Variants in KAZN observed in about 807,000 individuals in gnomAD.
KAZN encodes kazrin, periplakin interacting protein.
Under a neutral mutation model 87.4 loss-of-function variants are expected in KAZN, and 40 were observed. That is an observed-to-expected ratio of 0.46 (90% CI 0.36 to 0.60). KAZN has a LOEUF of 0.60. Among genes scored for constraint, KAZN ranks in the 20% least tolerant of loss-of-function variants. The pLI is 0.00. For synonymous variants in KAZN, 466 were observed against 458.3 expected, an observed-to-expected ratio of 1.02 and a Z score of -0.22; for missense variants, 898 against 1,073.9, an observed-to-expected ratio of 0.84 and a Z score of 2.29.
At chr1:13,993,709 C>T (rs1324340172) in intron 1 of KAZN, among the ~76,000 whole-genome samples, 2 of 152,076 alleles carry the variant, frequency 1.3e-5, no homozygotes, top group Non-Finnish European at 2.9e-5. Context: ...AAATAGTAAA[C>T]ATGATAATTT....
intron 2 of KAZN, among the ~76,000 whole-genome samples, chr1:14,343,094 C>T (rs1336529555): frequency 6.6e-6 from 1 of 152,028 alleles, no homozygotes; most frequent in Admixed American, 6.6e-5. Context: ...TGCAGTGAGC[C>T]GAGATTGCGC....
intron 1 of KAZN, among the ~76,000 whole-genome samples, chr1:14,953,616 A>G (rs138958582): frequency 2.4e-3 from 373 of 152,300 alleles, no homozygotes; most frequent in South Asian, 4.8e-3. Flanking sequence ...TATGTGCTCA[A>G]TAAGTGTTAA....
intron 1 of KAZN, among the ~76,000 whole-genome samples, chr1:14,167,327 C>G (rs1031061793): frequency 6.6e-6 from 1 of 152,188 alleles, no homozygotes; most frequent in African/African-American, 2.4e-5. Context: ...CTCAACATCC[C>G]GAGCCTCTGA....
chr1:14,975,857 C>G (rs563428804), intron 2 of KAZN, among the ~76,000 whole-genome samples: 3 of 152,106 alleles, frequency 2.0e-5, no homozygotes, highest in African/African-American at 7.2e-5. Flanking sequence ...CGGTGAAACC[C>G]CGTCTCTACT....
chr1:14,315,648 T>C (rs557615528), intron 2 of KAZN, among the ~76,000 whole-genome samples: 1 of 152,176 alleles, frequency 6.6e-6, no homozygotes, highest in East Asian at 1.9e-4. Context: ...AATGGGATGA[T>C]GTAGTATGTC....
intron 8 of KAZN, among the ~76,000 whole-genome samples, chr1:15,084,748 G>C (rs1348368140): frequency 1.3e-5 from 2 of 152,188 alleles, no homozygotes; most frequent in Non-Finnish European, 1.5e-5. Context: ...CCCAGTAGAA[G>C]TTAATGTAAA....
chr1:14,932,233 T>C (rs1240604692), intron 1 of KAZN, among the ~76,000 whole-genome samples: 2 of 152,154 alleles, frequency 1.3e-5, no homozygotes, highest in African/African-American at 4.8e-5. Context: ...TGCTCCCCAC[T>C]ATGGCTCCCC....
chr1:15,105,879 T>C (rs1641278641), intron 13 of KAZN, among the ~76,000 whole-genome samples: 1 of 152,168 alleles, frequency 6.6e-6, no homozygotes, highest in African/African-American at 2.4e-5. Context: ...AAATGCAGAT[T>C]CCCTGGTCCT....
At chr1:14,637,747 GA>G (rs376235997) in intron 1 of KAZN, among the ~76,000 whole-genome samples, 161 of 151,316 alleles carry the variant, frequency 1.1e-3, no homozygotes, top group East Asian at 2.5e-3. Flanking sequence ...CCTAAAAAAA[GA>G]AAAAAAATAT....
At chr1:14,634,968 G>A (rs1679851466) in intron 1 of KAZN, among the ~76,000 whole-genome samples, 1 of 152,042 alleles carries the variant, frequency 6.6e-6, no homozygotes, top group South Asian at 2.1e-4. Flanking sequence ...GCCTTCTAAA[G>A]GCTGAATGCA....
chr1:14,730,165 C>T (rs564491447), intron 1 of KAZN, among the ~76,000 whole-genome samples: 1 of 152,198 alleles, frequency 6.6e-6, no homozygotes, highest in African/African-American at 2.4e-5. Context: ...CTTACTGAAA[C>T]CTCTGCCTCC....
At chr1:15,090,525 G>A (rs1194486996) in intron 8 of KAZN, among the ~76,000 whole-genome samples, 2 of 152,270 alleles carry the variant, frequency 1.3e-5, no homozygotes, top group Non-Finnish European at 2.9e-5. Context: ...CGGCCTGACA[G>A]CCCTGTCACC....
intron 1 of KAZN, among the ~76,000 whole-genome samples, chr1:14,620,005 A>G (rs1391656377): frequency 1.3e-5 from 2 of 152,172 alleles, no homozygotes; most frequent in Non-Finnish European, 2.9e-5. Flanking sequence ...CTTTAAGTTC[A>G]GTTTTAGCCT....
rs1482776407 is a variant in KAZN at position 14,488,762 on chromosome 1, A to C, written c.250-110221A>C. Among the ~76,000 whole-genome samples, 3 of 152,226 alleles carry C rather than the reference A, an allele frequency of 2.0e-5. No individual in the cohort carries two copies. The East Asian group carries it at 5.8e-4, about 29-fold the overall frequency. ...CTGCGATGTCTGAGAAGTGCAAGAA[A>C]GTTTCTTCCCCCAGGGATCCTTCCC... On this transcript the variant is annotated intron_variant, in intron 2 of 16. Transcript: ENST00000636203.
At chr1:14,805,342 G>A (rs1646173873) in intron 1 of KAZN, among the ~76,000 whole-genome samples, 1 of 152,202 alleles carries the variant, frequency 6.6e-6, no homozygotes, top group African/African-American at 2.4e-5. Flanking sequence ...GCAGGGGAGA[G>A]GGGAGGTAGA....
At chr1:13,903,184 A>G (rs999761165) in intron 1 of KAZN, among the ~76,000 whole-genome samples, 2 of 152,202 alleles carry the variant, frequency 1.3e-5, no homozygotes, top group African/African-American at 4.8e-5. Context: ...CCAGCCACCC[A>G]TCTCTCTGGG....
chr1:15,106,428 T>C (rs1362769475), intron 13 of KAZN, among the ~76,000 whole-genome samples: 1 of 152,198 alleles, frequency 6.6e-6, no homozygotes, highest in Admixed American at 6.5e-5. Context: ...TTCTGAGCCC[T>C]GGAGAGATGG....
chr1:14,127,320 A>T (rs1644893456), intron 1 of KAZN, among the ~76,000 whole-genome samples: 1 of 152,198 alleles, frequency 6.6e-6, no homozygotes, highest in Non-Finnish European at 1.5e-5. Context: ...ATCTGAAAAC[A>T]ATTTTAGAGG....
intron 1 of KAZN, among the ~76,000 whole-genome samples, chr1:13,919,762 C>T (rs962636114): frequency 2.6e-5 from 4 of 152,130 alleles, no homozygotes; most frequent in African/African-American, 4.8e-5. Context: ...TGTGGCTTGC[C>T]TTTTCACCCT....
Sources: allele counts gnomAD v4.1 joint callset (sites outside exome capture counted in the v4.1 genomes callset), GRCh38; gene constraint gnomAD v4.1.1; transcripts MANE v1.5; gene names NCBI Gene and HGNC (gene_info 2026-07-23, HGNC 2026-07-21).